The following ETDC variants were observed in gnomAD, a reference collection of about 807,000 sequenced individuals.
The protein encoded by ETDC is embryonic testis differentiation homolog C.
rs1320510995 is a variant in ETDC, at chrX:135,309,560, G to A, written c.81G>A (p.Lys27=). 5 of 295,154 alleles carry A rather than the reference G, an allele frequency of 1.7e-5. No individual in the cohort carries two copies. Among genetic ancestry groups the A allele is most frequent in the Non-Finnish European group, 2.9e-5 (5 of 169,841 alleles). The allele number at this position is 295,154 out of a possible 1,213,427, so 24.3% of individuals were successfully genotyped here. A position where few individuals can be genotyped will look rare whatever the true frequency, so the allele number is the denominator to read the frequency against. ...AGTCAGGCAAATCCTTCAAATGCAA[G>A]AAGCCCACCAAAAATGTGCAGGTCT... The part of the protein sequence containing the change: ...IKKSGKSFKC[K]KPTKNVQVFL... Residue 27 remains lysine, a synonymous_variant, in exon 1 of 1, where the codon AAG becomes AAA. Coordinates refer to ENST00000635820, the MANE Select transcript of ETDC (RefSeq NM_001358449.1).
In ETDC at chrX:135,309,657, T is replaced by C. The variant is rs2084335036; in HGVS notation, c.178T>C (p.Ter60GlnextTer?). ...GTCAAAGTGGCTATGGATGCTGCCA[T>C]AAAGCAACTCCAGGGTGAACATGGC... ...DLSKWLWMLP* is the reference protein window; with the variant it reads ...DLSKWLWMLPQ Residue 60 changes from the stop codon to glutamine (Q), a stop_lost, in exon 1 of 1, where the codon TAA (stop) becomes CAA (glutamine). Transcript: ENST00000635820. The C allele has an allele frequency of 3.4e-6, 1 of 295,464 alleles. No individual in the cohort carries two copies. Among genetic ancestry groups the C allele is most frequent in the African/African-American group, 2.7e-5 (1 of 36,409 alleles). 24.3% of individuals were successfully genotyped at this position (295,464 alleles called of 1,213,427 possible).
rs1246714333 is a variant in ETDC, at chrX:135,309,512, T to G, written c.33T>G (p.Ser11Arg). 1 of 295,285 alleles carries G rather than the reference T, an allele frequency of 3.4e-6. No individual in the cohort carries two copies. The highest frequency in any genetic ancestry group is 5.9e-6 in the Non-Finnish European group (1 of 169,811). The allele number at this position is 295,285 out of a possible 1,213,427, so 24.3% of individuals were successfully genotyped here. Residue 11 changes from serine (S) to arginine (R), a missense_variant, in exon 1 of 1, where the codon AGT becomes AGG. Physicochemically the swap from Ser to Arg is moderately radical, Grantham distance 110 (BLOSUM62 -1). Transcript: ENST00000635820. The stretch of plus-strand genomic sequence containing the variant: ...AAGAACTCCCTAAAGCCAGTCCCAG[T>G]GAGCCTGCACTGAACATCAAGAAGT... MDKELPKASP[S>R]EPALNIKKSG...
In ETDC at chrX:135,309,496, C is replaced by CT. The variant is rs2084331947; in HGVS notation, c.18dup (p.Lys7Ter). 1 of 295,005 alleles carries CT rather than the reference C, an allele frequency of 3.4e-6. No individual in the cohort carries two copies. Among genetic ancestry groups the CT allele is most frequent in the African/African-American group, 2.8e-5 (1 of 36,226 alleles). 24.3% of individuals were successfully genotyped at this position (295,005 alleles called of 1,213,427 possible). ...TGCTGCTTCATGGATAAAGAACTCC[C>CT]TAAAGCCAGTCCCAGTGAGCCTGCA... On this transcript the variant is annotated frameshift_variant, in exon 1 of 1. Transcript: ENST00000635820. LOFTEE classifies it low-confidence loss of function (END_TRUNC).
At position 135,309,568 on chromosome X, in the gene ETDC, C is replaced by T. The variant is rs2084333042; in HGVS notation, c.89C>T (p.Thr30Ile). ...AAATCCTTCAAATGCAAGAAGCCCA[C>T]CAAAAATGTGCAGGTCTTTTTAATC... ...SGKSFKCKKP[T>I]KNVQVFLINR... Residue 30 changes from threonine (T) to isoleucine (I), a missense_variant, in exon 1 of 1, where the codon ACC becomes ATC. Transcript: ENST00000635820. 3 of 296,897 alleles carry T rather than the reference C, an allele frequency of 1.0e-5. No individual in the cohort carries two copies. Among genetic ancestry groups the T allele is most frequent in the South Asian group, 4.0e-4 (2 of 4,988 alleles). The allele number at this position is 296,897 out of a possible 1,213,427, so 24.5% of individuals were successfully genotyped here.
At position 135,309,489 on chromosome X, in the gene ETDC, G is replaced by A. The variant is rs1425295608; in HGVS notation, c.10G>A (p.Glu4Lys). 3.4e-6 allele frequency: 1 copy of A among 295,043 alleles called. No individual in the cohort carries two copies. Among genetic ancestry groups the A allele is most frequent in the South Asian group, 2.1e-4 (1 of 4,805 alleles). The allele number at this position is 295,043 out of a possible 1,213,427, so 24.3% of individuals were successfully genotyped here. A position where few individuals can be genotyped will look rare whatever the true frequency, so the allele number is the denominator to read the frequency against. MDK[E>K]LPKASPSEPA... The stretch of plus-strand genomic sequence containing the variant: ...TTGGGGCTGCTGCTTCATGGATAAA[G>A]AACTCCCTAAAGCCAGTCCCAGTGA... The change falls in exon 1 of 1, where the codon GAA becomes AAA. Residue 4 changes from glutamate to lysine, a missense_variant. Physicochemically the swap from Glu to Lys is moderately conservative, Grantham distance 56. Coordinates refer to ENST00000635820, the MANE Select transcript of ETDC (RefSeq NM_001358449.1).
rs1223143967 is a variant in ETDC at position 135,309,524 on chromosome X, GA to G, written c.47del (p.Asn16ThrfsTer22). The G allele has an allele frequency of 6.8e-6, 2 of 295,206 alleles. No individual in the cohort carries two copies. The highest frequency in any genetic ancestry group is 5.5e-5 in the African/African-American group (2 of 36,284). The allele number at this position is 295,206 out of a possible 1,213,427, so 24.3% of individuals were successfully genotyped here. Reference protein sequence around the residue: ...PKASPSEPALNIKKSGKSFKC... With the variant: ...PKASPSEPALXIKKSGKSFKC... ...AAGCCAGTCCCAGTGAGCCTGCACT[GA>G]ACATCAAGAAGTCAGGCAAATCCTT... On this transcript the variant is annotated frameshift_variant, in exon 1 of 1. Transcript: ENST00000635820. LOFTEE classifies it low-confidence loss of function (END_TRUNC).
In ETDC at chrX:135,309,623, C is replaced by T; in HGVS notation, c.144C>T (p.Asp48=). The T allele has an allele frequency of 6.7e-6, 2 of 297,312 alleles. No individual in the cohort carries two copies. The highest frequency in any genetic ancestry group is 5.9e-6 in the Non-Finnish European group (1 of 170,146). The allele number at this position is 297,312 out of a possible 1,213,427, so 24.5% of individuals were successfully genotyped here. ...GACAACTGGGCAGGAACAGAAGTGA[C>T]ACTGACCTGTCAAAGTGGCTATGGA... ...INRQLGRNRS[D]TDLSKWLWML... Residue 48 remains aspartate, a synonymous_variant, in exon 1 of 1, where the codon GAC becomes GAT. Coordinates refer to ENST00000635820, the MANE Select transcript of ETDC (RefSeq NM_001358449.1).
Sources: allele counts gnomAD v4.1 joint callset, GRCh38; gene constraint gnomAD v4.1.1; transcripts MANE v1.5; gene names NCBI Gene and HGNC (gene_info 2026-07-23, HGNC 2026-07-21).